NEK5: variants seen among roughly 807,000 people sequenced by gnomAD.
The protein encoded by NEK5 is serine/threonine-protein kinase Nek5.
In NEK5, 88 loss-of-function variants were observed where a neutral mutation model predicts 109.2. The observed-to-expected ratio is 0.81, with a 90% CI of 0.68 to 0.96. The LOEUF is 0.96. Ranked by LOEUF, NEK5 falls within the 40% of genes least tolerant of loss-of-function variation. NEK5 has a pLI of 0.00. For synonymous variants in NEK5, 283 were observed against 299.9 expected (o/e 0.94, Z 0.58); for missense variants, 834 against 920.7 (o/e 0.91, Z 1.22).
At chr13:52,064,067 G>A (rs1220458468) in intron 21 of NEK5, among the ~76,000 whole-genome samples, 25 of 129,586 alleles carry the variant, frequency 1.9e-4, no homozygotes, top group Middle Eastern at 0.012. Context: ...TCAGCCCCCC[G>A]CCCGGCCAGC....
intron 5 of NEK5, 91 bp downstream of exon 5, chr13:52,112,177 A>G: frequency 1.7e-6 from 1 of 601,968 alleles, no homozygotes; most frequent in Non-Finnish European, 2.9e-6. Flanking sequence ...CATGCTTTAT[A>G]TCAACATAGT....
chr13:52,099,397 C>T (rs889252034), intron 12 of NEK5, among the ~76,000 whole-genome samples: 4 of 151,740 alleles, frequency 2.6e-5, no homozygotes, highest in Admixed American at 6.6e-5. Context: ...CGGGGCCGGG[C>T]GCCATGGCTC....
At chr13:52,039,757 C>T (rs747318435) in intron 23 of NEK5, among the ~76,000 whole-genome samples, 2 of 152,020 alleles carry the variant, frequency 1.3e-5, no homozygotes, top group Non-Finnish European at 2.9e-5. Context: ...AACCATCAGT[C>T]GAATTTTAAT....
chr13:52,055,602 C>G (rs563517944), intron 22 of NEK5, among the ~76,000 whole-genome samples: 13 of 152,120 alleles, frequency 8.5e-5, no homozygotes, highest in Non-Finnish European at 7.3e-5. Context: ...GTGGATCTCT[C>G]GGCAGAAACT....
chr13:52,052,136 G>A (rs1954511352), intron 22 of NEK5, among the ~76,000 whole-genome samples: 1 of 143,744 alleles, frequency 7.0e-6, no homozygotes, highest in African/African-American at 2.6e-5. Flanking sequence ...CTCTTTTCTG[G>A]ACCAAACCAA....
In NEK5 at chr13:52,088,580, G is replaced by A. The variant is rs562379958; in HGVS notation, c.1275+667C>T. On this transcript the variant is annotated intron_variant, in intron 14 of 23. Transcript: ENST00000684899. ...TTGTCACTTTTTTTAATGTGCAGCA[G>A]AATCTTTAACAAAATAGAACCAAAG... Among the ~76,000 whole-genome samples the A allele has an allele frequency of 3.3e-5, 5 of 152,030 alleles. No homozygotes were observed. The East Asian group carries it at 7.8e-4, about 24-fold the overall frequency.
intron 1 of NEK5, among the ~76,000 whole-genome samples, chr13:52,128,087 G>C (rs1956103971): frequency 1.3e-5 from 2 of 152,176 alleles, no homozygotes; most frequent in Admixed American, 1.3e-4. Context: ...TACAATCTTG[G>C]AGAGTCTTCC....
intron 17 of NEK5, among the ~76,000 whole-genome samples, chr13:52,082,044 G>T (rs1955022653): frequency 6.6e-6 from 1 of 152,200 alleles, no homozygotes; most frequent in Non-Finnish European, 1.5e-5. Context: ...GCTCAGGCGG[G>T]GTGGCTCATG....
chr13:52,047,407 G>A (rs1593916581), intron 23 of NEK5, among the ~76,000 whole-genome samples: 1 of 152,198 alleles, frequency 6.6e-6, no homozygotes. Flanking sequence ...CTCTGGAGAA[G>A]TATACACAAG....
Position 52,050,234 on chromosome 13 carries a change from C to T in NEK5, c.2111-13G>A, listed in dbSNP as rs537537422. 1 of 953,246 alleles carries T rather than the reference C, an allele frequency of 1.0e-6. No homozygotes were observed. The allele number at this position is 953,246 out of a possible 1,614,324, so 59.0% of individuals were successfully genotyped here. A position where few individuals can be genotyped will look rare whatever the true frequency, so the allele number is the denominator to read the frequency against. ...AATGTTCCCATTGCTAAAGAAATGA[C>T]AGAGAAAGATATGAAAGCATCCCAG... On this transcript the variant is annotated splice_polypyrimidine_tract_variant and intron_variant, in intron 22 of 23. Coordinates refer to ENST00000684899, the MANE Select transcript of NEK5 (RefSeq NM_001365552.1).
intron 12 of NEK5, among the ~76,000 whole-genome samples, chr13:52,099,494 A>C (rs1027504548): frequency 2.0e-5 from 3 of 152,106 alleles, no homozygotes; most frequent in Admixed American, 6.5e-5. Flanking sequence ...ATATGGTGAA[A>C]CCCCATCTCT....
chr13:52,116,980 G>A (rs188334464), intron 4 of NEK5, among the ~76,000 whole-genome samples: 30 of 151,308 alleles, frequency 2.0e-4, no homozygotes, highest in Admixed American at 5.3e-4. Flanking sequence ...GTGCAGTGGC[G>A]CAATCTCAGC....
At chr13:52,123,719 GTC>G (rs1393130548) in intron 3 of NEK5, among the ~76,000 whole-genome samples, 1 of 152,192 alleles carries the variant, frequency 6.6e-6, no homozygotes, top group Admixed American at 6.5e-5. Flanking sequence ...GCCAAAGCAT[GTC>G]CAGAAAGAAA....
chr13:52,081,991 A>T (rs1955021633), intron 17 of NEK5, among the ~76,000 whole-genome samples: 1 of 152,248 alleles, frequency 6.6e-6, no homozygotes, highest in Non-Finnish European at 1.5e-5. Context: ...AATATAATTT[A>T]AAACACAGAG....
intron 3 of NEK5, among the ~76,000 whole-genome samples, chr13:52,125,869 A>G (rs1192928125): frequency 1.3e-5 from 2 of 152,218 alleles, no homozygotes; most frequent in East Asian, 3.9e-4. Flanking sequence ...ATAAGAGGAC[A>G]TTATTATGAA....
intron 17 of NEK5, among the ~76,000 whole-genome samples, chr13:52,081,178 C>T (rs1169293280): frequency 6.6e-6 from 1 of 152,274 alleles, no homozygotes; most frequent in African/African-American, 2.4e-5. Context: ...GGAAAGATAA[C>T]TCTACAAGTA....
At chr13:52,104,646 C>T in intron 8 of NEK5, 94 bp from the exon 9 acceptor site, 1 of 823,158 alleles carries the variant, frequency 1.2e-6, no homozygotes, top group Non-Finnish European at 2.1e-6. Context: ...TGTCGCTTTA[C>T]AATTTTATGT....
rs763883262 is a variant in NEK5, at chr13:52,083,347, G to T, written c.1485C>A (p.Asn495Lys). Residue 495 changes from asparagine (N) to lysine (K), a missense_variant, in exon 17 of 24, where the codon AAC (asparagine) becomes AAA (lysine). Asn to Lys is a moderately conservative substitution (Grantham distance 94). Transcript: ENST00000684899. ...RKKMGREPEENSKISHKTYLV... is the reference protein window; with the variant it reads ...RKKMGREPEEKSKISHKTYLV... ...AATAGGTTTTATGACTTATTTTTGA[G>T]TTCTCCTTTAACACAAATTATACAC... is the stretch of plus-strand genomic sequence containing the variant. 16 of 1,603,038 alleles carry T rather than the reference G, an allele frequency of 1.0e-5. No homozygotes were observed. In the Admixed American group the frequency reaches 2.5e-4, roughly 25 times the overall value.
chr13:52,061,776 T>G, intron 22 of NEK5, 43 bp downstream of exon 22: 11 of 906,874 alleles, frequency 1.2e-5, no homozygotes, highest in Non-Finnish European at 1.5e-5. Flanking sequence ...CTTGACAAAA[T>G]TCCTCTGAGG....
Sources: gnomAD v4.1 joint callset for allele counts (sites outside exome capture counted in the v4.1 genomes callset) on GRCh38, gnomAD v4.1.1 for gene constraint, MANE v1.5 for transcripts, NCBI Gene and HGNC (gene_info 2026-07-23, HGNC 2026-07-21) for gene names.